The following PCDHA13 variants were observed in gnomAD, a reference collection of about 807,000 sequenced individuals.
PCDHA13 encodes the protein protocadherin alpha 13.
In PCDHA13, 54 loss-of-function variants were observed where a neutral mutation model predicts 64.8. That is an observed-to-expected ratio of 0.83 (90% CI 0.67 to 1.04). The LOEUF (loss-of-function observed/expected upper bound fraction) is 1.04, where lower values mean the gene tolerates loss of function less well. PCDHA13 is among the 50% of genes least tolerant of loss of function. The pLI is 0.00. For synonymous variants in PCDHA13, 587 were observed against 564.4 expected, an observed-to-expected ratio of 1.04 and a Z score of -0.57; for missense variants, 1,248 against 1,254.3, an observed-to-expected ratio of 0.99 and a Z score of 0.08.
chr5:140,981,726 T>C (rs1554243283), intron 2 of PCDHA13, among the ~76,000 whole-genome samples: 1 of 151,710 alleles, frequency 6.6e-6, no homozygotes, highest in Non-Finnish European at 1.5e-5. Context: ...CCAACAAATA[T>C]TTGAGAGATT....
intron 1 of PCDHA13, among the ~76,000 whole-genome samples, chr5:140,918,360 G>A (rs1243919537): frequency 1.3e-5 from 2 of 152,082 alleles, no homozygotes; most frequent in African/African-American, 4.8e-5. Flanking sequence ...CTTCCTCTCT[G>A]CCTATTTGGA....
intron 2 of PCDHA13, among the ~76,000 whole-genome samples, chr5:140,979,939 T>A (rs2096870929): frequency 6.6e-6 from 1 of 152,210 alleles, no homozygotes; most frequent in African/African-American, 2.4e-5. Context: ...ATGTGTAGAG[T>A]TAATGTGAAA....
At chr5:140,982,795 AT>A (rs2097005249) in intron 3 of PCDHA13, among the ~76,000 whole-genome samples, 1 of 151,516 alleles carries the variant, frequency 6.6e-6, no homozygotes, top group African/African-American at 2.4e-5. Flanking sequence ...GCATGTGTGC[AT>A]GTGTGTGTGT....
intron 3 of PCDHA13, among the ~76,000 whole-genome samples, chr5:140,989,525 GAGGA>G (rs2097345403): frequency 6.6e-6 from 1 of 152,218 alleles, no homozygotes; most frequent in African/African-American, 2.4e-5. Flanking sequence ...GAGGGCAGAG[GAGGA>G]AGATAGTTTG....
intron 1 of PCDHA13, among the ~76,000 whole-genome samples, chr5:140,924,207 T>C (rs2081717308): frequency 6.6e-6 from 1 of 152,198 alleles, no homozygotes. Flanking sequence ...AGAAATTTGG[T>C]GAAGAATAAG....
At chr5:141,005,520 G>A (rs34458028) in intron 3 of PCDHA13, among the ~76,000 whole-genome samples, 7,602 of 151,238 alleles carry the variant, frequency 0.05, 239 homozygotes, top group South Asian at 0.11. Flanking sequence ...TGGCTAACAC[G>A]GTGAAACCCC....
intron 1 of PCDHA13, among the ~76,000 whole-genome samples, chr5:140,932,053 C>T (rs1358715698): frequency 6.6e-6 from 1 of 151,780 alleles, no homozygotes; most frequent in Non-Finnish European, 1.5e-5. Flanking sequence ...GCCTGTAATA[C>T]TAAAAATTAT....
At chr5:140,997,792 T>C (rs1279010273) in intron 3 of PCDHA13, among the ~76,000 whole-genome samples, 1 of 152,160 alleles carries the variant, frequency 6.6e-6, no homozygotes, top group African/African-American at 2.4e-5. Context: ...TATATTATAA[T>C]TTATCCAATT....
chr5:140,885,096 A>G (rs2060465078), intron 1 of PCDHA13, among the ~76,000 whole-genome samples: 1 of 152,160 alleles, frequency 6.6e-6, no homozygotes, highest in Non-Finnish European at 1.5e-5. Flanking sequence ...AACTTTTCAC[A>G]TAAATGCTTT....
chr5:140,930,925 G>T (rs1271801364), intron 1 of PCDHA13, among the ~76,000 whole-genome samples: 7 of 152,158 alleles, frequency 4.6e-5, no homozygotes, highest in Admixed American at 4.6e-4. Flanking sequence ...ATGTGTATAT[G>T]TGGTTAACAG....
At chr5:140,958,913 C>T (rs1367853733) in intron 1 of PCDHA13, among the ~76,000 whole-genome samples, 12 of 151,050 alleles carry the variant, frequency 7.9e-5, no homozygotes, top group Non-Finnish European at 8.8e-5. Context: ...AAAAGTCTGC[C>T]TGGGTGTGGT....
In PCDHA13 at chr5:140,883,655, T is replaced by C. The variant is rs782178754; in HGVS notation, c.1387T>C (p.Phe463Leu). Reference sequence around the variant, plus strand: ...GTTCGCGCAGCCCGAGTACACGGTGTTCGTGAAGGAAAACAATCCGCCGGG... The same window carrying C: ...GTTCGCGCAGCCCGAGTACACGGTGCTCGTGAAGGAAAACAATCCGCCGGG... ...PAFAQPEYTV[F>L]VKENNPPGCH... The change falls in exon 1 of 4, where the codon TTC (phenylalanine) becomes CTC (leucine). Residue 463 changes from phenylalanine to leucine, a missense_variant. By Grantham distance (22) the Phe-to-Leu change is conservative (BLOSUM62 0). Transcript: ENST00000289272. 1 of 1,613,114 alleles carries C rather than the reference T, an allele frequency of 6.2e-7. No homozygotes were observed. Among genetic ancestry groups the C allele is most frequent in the Non-Finnish European group, 8.5e-7 (1 of 1,179,716 alleles).
At chr5:140,958,510 G>A (rs1476919397) in intron 1 of PCDHA13, among the ~76,000 whole-genome samples, 1 of 152,114 alleles carries the variant, frequency 6.6e-6, no homozygotes, top group Non-Finnish European at 1.5e-5. Flanking sequence ...AGGCATGGCT[G>A]TCCAATATAT....
chr5:140,923,719 G>A (rs906860011), intron 1 of PCDHA13, among the ~76,000 whole-genome samples: 5 of 152,182 alleles, frequency 3.3e-5, no homozygotes, highest in African/African-American at 1.2e-4. Context: ...GAATAAGAAT[G>A]CAATGTTATG....
chr5:140,983,523 T>G (rs1186391173), intron 3 of PCDHA13, among the ~76,000 whole-genome samples: 1 of 152,224 alleles, frequency 6.6e-6, no homozygotes, highest in East Asian at 1.9e-4. Flanking sequence ...CTGTGCCAAG[T>G]ACATTGTATG....
chr5:140,935,389 C>T (rs559765340), intron 1 of PCDHA13, among the ~76,000 whole-genome samples: 20 of 152,288 alleles, frequency 1.3e-4, no homozygotes, highest in African/African-American at 4.8e-4. Flanking sequence ...CATTTGTTAT[C>T]CCACGGGACT....
In PCDHA13 at chr5:140,982,326, G is replaced by T. The variant is rs1369721700; in HGVS notation, c.2454-149G>T. 1.6e-5 allele frequency: 22 copies of T among 1,411,958 alleles called. No homozygotes were observed. In the Admixed American group the frequency reaches 3.0e-4, roughly 20 times the overall value. The allele number at this position is 1,411,958 out of a possible 1,614,324, so 87.5% of individuals were successfully genotyped here. On this transcript the variant is annotated intron_variant, in intron 2 of 3. Transcript: ENST00000289272. ...CTTCTGCAGTTTATGCAGGGTGACTGCTCAGCAGTAATTGCTTCAGTTCAA... is the reference window on the plus strand; with the variant it reads ...CTTCTGCAGTTTATGCAGGGTGACTTCTCAGCAGTAATTGCTTCAGTTCAA...
intron 1 of PCDHA13, among the ~76,000 whole-genome samples, chr5:140,897,713 A>C (rs2066278692): frequency 1.3e-5 from 2 of 152,302 alleles, no homozygotes; most frequent in East Asian, 3.9e-4. Flanking sequence ...CAGTAATGGG[A>C]TGGCTGGGTC....
chr5:140,947,100 T>C (rs782585215), intron 1 of PCDHA13, among the ~76,000 whole-genome samples: 16 of 151,438 alleles, frequency 1.1e-4, no homozygotes, highest in Non-Finnish European at 2.1e-4. Context: ...AGCCCATAAA[T>C]AGGTACGTGT....
Sources: gnomAD v4.1 joint callset for allele counts (sites outside exome capture counted in the v4.1 genomes callset) on GRCh38, gnomAD v4.1.1 for gene constraint, MANE v1.5 for transcripts, NCBI Gene and HGNC (gene_info 2026-07-23, HGNC 2026-07-21) for gene names.